TMOD3: variants seen among roughly 807,000 people sequenced by gnomAD.
The protein encoded by TMOD3 is tropomodulin 3.
In TMOD3, 20 loss-of-function variants were observed where a neutral mutation model predicts 39.2. The observed-to-expected ratio is 0.51, with a 90% CI of 0.36 to 0.74. The LOEUF is 0.74. Ranked by LOEUF, TMOD3 falls within the 30% of genes least tolerant of loss-of-function variation. TMOD3 has a pLI of 0.00. For missense variants in TMOD3, 381 were observed against 412.8 expected, an observed-to-expected ratio of 0.92 and a Z score of 0.67; for synonymous variants, 143 against 145.8, an observed-to-expected ratio of 0.98 and a Z score of 0.14.
At chr15:51,857,289 A>G (rs536692909) in intron 1 of TMOD3, among the ~76,000 whole-genome samples, 2 of 152,364 alleles carry the variant, frequency 1.3e-5, no homozygotes, top group East Asian at 3.9e-4. Flanking sequence ...AGGAGATGCA[A>G]CTAGAGAAGT....
chr15:51,857,533 A>C (rs2056394384), intron 1 of TMOD3, among the ~76,000 whole-genome samples: 1 of 152,174 alleles, frequency 6.6e-6, no homozygotes, highest in African/African-American at 2.4e-5. Flanking sequence ...CTTTGCCCCT[A>C]ATATCTCATT....
intron 6 of TMOD3, among the ~76,000 whole-genome samples, chr15:51,895,747 T>G (rs1016844865): frequency 1.3e-5 from 2 of 152,172 alleles, no homozygotes; most frequent in Admixed American, 6.5e-5. Flanking sequence ...GGAATCGTAC[T>G]CATCAGAGAT....
At chr15:51,831,818 A>C (rs1006227887) in intron 1 of TMOD3, among the ~76,000 whole-genome samples, 23 of 151,476 alleles carry the variant, frequency 1.5e-4, no homozygotes, top group Non-Finnish European at 2.9e-4. Flanking sequence ...TCATGAATTC[A>C]AGTATGTGTC....
At chr15:51,901,830 T>A (rs2056652259) in intron 8 of TMOD3, 62 bp from the exon 9 acceptor site, 4 of 1,534,938 alleles carry the variant, frequency 2.6e-6, no homozygotes, top group Non-Finnish European at 3.5e-6. Flanking sequence ...ATGTCTTAAT[T>A]TACCTTGAAA....
chr15:51,851,719 A>G (rs941657940), intron 1 of TMOD3, among the ~76,000 whole-genome samples: 1 of 152,212 alleles, frequency 6.6e-6, no homozygotes, highest in Admixed American at 6.5e-5. Flanking sequence ...ATTAAATACT[A>G]ACTGAAATTG....
rs1375296087 is a variant in TMOD3, at chr15:51,909,723, C to T, written c.*913C>T. On this transcript the variant is annotated 3_prime_UTR_variant, in exon 10 of 10. Coordinates refer to ENST00000308580, the MANE Select transcript of TMOD3 (RefSeq NM_014547.5). ...TTTCCAGTATGAGGCACTTGCAAAA[C>T]AGTCATTTAAACTGATGGTTACTGT... 2 of 152,020 alleles carry T rather than the reference C, an allele frequency of 1.3e-5. No homozygotes were observed. The highest frequency in any genetic ancestry group is 4.8e-5 in the African/African-American group (2 of 41,380). 9.4% of individuals were successfully genotyped at this position (152,020 alleles called of 1,614,324 possible).
chr15:51,848,005 A>C (rs567614898), intron 1 of TMOD3, among the ~76,000 whole-genome samples: 1 of 152,272 alleles, frequency 6.6e-6, no homozygotes, highest in African/African-American at 2.4e-5. Flanking sequence ...CCATTATAAA[A>C]GAGGCCCTAG....
chr15:51,883,733 G>A (rs1421093101), intron 3 of TMOD3, among the ~76,000 whole-genome samples: 2 of 152,164 alleles, frequency 1.3e-5, no homozygotes, highest in African/African-American at 2.4e-5. Flanking sequence ...AGCATCTCTA[G>A]AGTGGGGCTT....
At position 51,859,179 on chromosome 15, in the gene TMOD3, C is replaced by T. The variant is rs2056403512; in HGVS notation, c.-74-3632C>T. The T allele has an allele frequency of 7.0e-6, 5 of 718,160 alleles. No individual in the cohort carries two copies. In the East Asian group the frequency reaches 1.4e-4, roughly 20 times the overall value. The allele number at this position is 718,160 out of a possible 1,614,324, so 44.5% of individuals were successfully genotyped here. ...GTTTCACAAAGATGGCTGTATTCTTCCTCTTCACAAACGGCCAGTCTGATA... is the reference window on the plus strand; with the variant it reads ...GTTTCACAAAGATGGCTGTATTCTTTCTCTTCACAAACGGCCAGTCTGATA... On this transcript the variant is annotated intron_variant, in intron 1 of 9. Transcript: ENST00000308580.
At chr15:51,878,821 C>A (rs763972126) in intron 3 of TMOD3, among the ~76,000 whole-genome samples, 2 of 152,134 alleles carry the variant, frequency 1.3e-5, no homozygotes, top group Non-Finnish European at 2.9e-5. Context: ...GGAGTAGTGT[C>A]CTTCAATCTT....
intron 3 of TMOD3, among the ~76,000 whole-genome samples, chr15:51,879,244 A>G (rs2056520407): frequency 6.6e-6 from 1 of 152,184 alleles, no homozygotes; most frequent in African/African-American, 2.4e-5. Context: ...GTAGTTGCAG[A>G]AACATTGCTA....
chr15:51,831,046 G>A (rs1262986840), intron 1 of TMOD3, among the ~76,000 whole-genome samples: 1 of 152,116 alleles, frequency 6.6e-6, no homozygotes, highest in Non-Finnish European at 1.5e-5. Flanking sequence ...TGGACCAGAT[G>A]ACCCCCAAGA....
At chr15:51,861,934 C>T (rs897441541) in intron 1 of TMOD3, among the ~76,000 whole-genome samples, 6 of 152,144 alleles carry the variant, frequency 3.9e-5, no homozygotes, top group African/African-American at 7.2e-5. Context: ...TGAGTCACTG[C>T]GTCTGGCCCA....
intron 3 of TMOD3, among the ~76,000 whole-genome samples, chr15:51,876,156 ATGTTGTTGT>A (rs529178531): frequency 2.6e-5 from 4 of 151,286 alleles, no homozygotes; most frequent in East Asian, 1.9e-4. Flanking sequence ...CTGTTCTTTG[ATGTTGTTGT>A]TGTTGTTGTT....
chr15:51,890,356 T>TA (rs1325706350), intron 5 of TMOD3, among the ~76,000 whole-genome samples: 7 of 149,388 alleles, frequency 4.7e-5, no homozygotes, highest in African/African-American at 1.7e-4. Context: ...TTTTTTTTTT[T>TA]AGTAGAGATG....
intron 1 of TMOD3, among the ~76,000 whole-genome samples, chr15:51,842,521 G>T (rs143931009): frequency 1.4e-4 from 21 of 152,174 alleles, no homozygotes; most frequent in African/African-American, 4.8e-4. Flanking sequence ...CTGCTGTGTG[G>T]TTACTTACAA....
intron 1 of TMOD3, among the ~76,000 whole-genome samples, chr15:51,835,392 T>C (rs1371819884): frequency 6.6e-6 from 1 of 152,202 alleles, no homozygotes; most frequent in Non-Finnish European, 1.5e-5. Flanking sequence ...AGCCTCGACC[T>C]CCTGGGCTCA....
intron 3 of TMOD3, among the ~76,000 whole-genome samples, chr15:51,876,022 A>G (rs559115764): frequency 5.9e-5 from 9 of 152,296 alleles, no homozygotes; most frequent in African/African-American, 2.2e-4. Flanking sequence ...CTTTTGTTAT[A>G]ATGAAATGAC....
At chr15:51,884,595 A>C (rs2056550418) in intron 3 of TMOD3, 1 of 152,128 alleles carries the variant, frequency 6.6e-6, no homozygotes, top group Non-Finnish European at 1.5e-5. Context: ...CTAATTGATC[A>C]CAGTTACAGA....
Sources: allele counts gnomAD v4.1 joint callset (sites outside exome capture counted in the v4.1 genomes callset), GRCh38; gene constraint gnomAD v4.1.1; transcripts MANE v1.5; gene names NCBI Gene and HGNC (gene_info 2026-07-23, HGNC 2026-07-21).